The following COPS2 variants were observed in gnomAD, a reference collection of about 807,000 sequenced individuals.
COPS2 encodes the protein COP9 signalosome complex subunit 2.
A neutral mutation model predicts 66.1 loss-of-function variants in COPS2; 10 were observed. The ratio of observed to expected loss-of-function variants is 0.15; its 90% CI spans 0.09 to 0.26. The LOEUF (loss-of-function observed/expected upper bound fraction) is 0.26, where lower values mean the gene tolerates loss of function less well. Ranked by LOEUF, COPS2 falls within the 10% of genes least tolerant of loss-of-function variation. The pLI, the probability that COPS2 is intolerant of heterozygous loss-of-function variation, is 1.00. For missense variants in COPS2, 215 were observed against 513.3 expected (o/e 0.42, Z 5.62); for synonymous variants, 179 against 171.3 (o/e 1.04, Z -0.35).
chr15:49,145,622 A>T (rs2084315508), intron 1 of COPS2, among the ~76,000 whole-genome samples: 1 of 152,150 alleles, frequency 6.6e-6, no homozygotes, highest in East Asian at 1.9e-4. Context: ...TGCACTATAC[A>T]ACAGCTGTTT....
chr15:49,140,469 C>T (rs2084283157), intron 3 of COPS2, among the ~76,000 whole-genome samples: 1 of 151,998 alleles, frequency 6.6e-6, no homozygotes, highest in African/African-American at 2.4e-5. Context: ...TTTTTCAAGC[C>T]TCAATACTCG....
chr15:49,145,437 T>C (rs1383608713), intron 1 of COPS2, among the ~76,000 whole-genome samples: 1 of 152,214 alleles, frequency 6.6e-6, no homozygotes, highest in African/African-American at 2.4e-5. Flanking sequence ...GAGGGAAACC[T>C]AACGTAGATG....
chr15:49,133,323 T>C (rs1170870301), intron 9 of COPS2, among the ~76,000 whole-genome samples: 1 of 152,216 alleles, frequency 6.6e-6, no homozygotes, highest in African/African-American at 2.4e-5. Flanking sequence ...TACTTTCATC[T>C]TGTCATTGAG....
intron 1 of COPS2, among the ~76,000 whole-genome samples, chr15:49,155,242 G>A (rs2084413967): frequency 6.6e-6 from 1 of 152,250 alleles, no homozygotes; most frequent in Non-Finnish European, 1.5e-5. Flanking sequence ...AGAACCGAAC[G>A]CCTGGGACCA....
chr15:49,142,598 A>C (rs1201858523), intron 3 of COPS2, among the ~76,000 whole-genome samples: 2 of 152,150 alleles, frequency 1.3e-5, no homozygotes. Context: ...CAACTGCTTC[A>C]CTCCCTGCTC....
chr15:49,151,097 T>C (rs946579095), intron 1 of COPS2, among the ~76,000 whole-genome samples: 1 of 152,118 alleles, frequency 6.6e-6, no homozygotes. Flanking sequence ...GTAATACATT[T>C]AAATAATTAT....
chr15:49,150,841 T>A (rs1008874904), intron 1 of COPS2, among the ~76,000 whole-genome samples: 2 of 152,128 alleles, frequency 1.3e-5, no homozygotes, highest in Non-Finnish European at 2.9e-5. Flanking sequence ...ATAATCTGTA[T>A]AATAAACCCT....
At chr15:49,150,004 A>G (rs2084347311) in intron 1 of COPS2, among the ~76,000 whole-genome samples, 2 of 152,128 alleles carry the variant, frequency 1.3e-5, no homozygotes, top group Admixed American at 1.3e-4. Flanking sequence ...ACAAAACAAA[A>G]AAACTGTCTG....
intron 3 of COPS2, 97 bp downstream of exon 3, chr15:49,144,130 G>C: frequency 1.3e-6 from 1 of 798,618 alleles, no homozygotes; most frequent in Non-Finnish European, 2.1e-6. Context: ...CACATCCAAA[G>C]AAGTACTTTA....
At chr15:49,142,903 T>C (rs150768191) in intron 3 of COPS2, among the ~76,000 whole-genome samples, 40 of 151,062 alleles carry the variant, frequency 2.6e-4, no homozygotes, top group African/African-American at 8.5e-4. Flanking sequence ...CCTGCTCTCA[T>C]GGAGCTTACA....
intron 2 of COPS2, 122 bp from the exon 3 acceptor site, chr15:49,144,426 T>C (rs2084308219): frequency 3.4e-6 from 2 of 588,746 alleles, no homozygotes; most frequent in Non-Finnish European, 5.9e-6. Context: ...TCCCCAAGGA[T>C]ACCACCATTT....
At position 49,155,570 on chromosome 15, in the gene COPS2, G is replaced by A. The variant is rs1026592890; in HGVS notation, c.9C>T (p.Asp3=). The change falls in exon 1 of 13, where the codon GAC becomes GAT. Residue 3 remains aspartate, a synonymous_variant. Transcript: ENST00000388901. Reference sequence around the variant, plus strand: ...CATCGCACATGAAATCATCCTCCATGTCAGACATCTTGGCCGGGAGGGGGA... The same window carrying A: ...CATCGCACATGAAATCATCCTCCATATCAGACATCTTGGCCGGGAGGGGGA... MS[D]MEDDFMCDDE... is the part of the protein sequence containing the mutation. The A allele has an allele frequency of 6.2e-7, 1 of 1,614,140 alleles. No individual in the cohort carries two copies. The highest frequency in any genetic ancestry group is 8.5e-7 in the Non-Finnish European group (1 of 1,180,008).
At position 49,148,223 on chromosome 15, in the gene COPS2, A is replaced by G. The variant is rs148560196; in HGVS notation, c.55-3145T>C. 2.8e-3 allele frequency among the ~76,000 whole-genome samples: 432 copies of G among 152,316 alleles called. 2 individuals are homozygous for G. The highest frequency in any genetic ancestry group is 6.8e-3 in the Middle Eastern group (2 of 294). ...GCCAGCAATTAATTATTGCTCACAG[A>G]AATCCAAATTAACAACCCTTCCCCT... On this transcript the variant is annotated intron_variant, in intron 1 of 12. Transcript: ENST00000388901.
chr15:49,139,471 C>T, intron 4 of COPS2, 57 bp downstream of exon 4: 1 of 1,405,406 alleles, frequency 7.1e-7, no homozygotes, highest in East Asian at 2.3e-5. Context: ...AGAACAAAGC[C>T]CTTACTATAA....
At position 49,126,275 on chromosome 15, in the gene COPS2, A is replaced by G. The variant is rs557231120; in HGVS notation, c.*1675T>C. The G allele has an allele frequency of 2.0e-5, 3 of 152,594 alleles. No individual in the cohort carries two copies. In the South Asian group the frequency reaches 6.2e-4, roughly 32 times the overall value. The allele number at this position is 152,594 out of a possible 1,614,324, so 9.5% of individuals were successfully genotyped here. On this transcript the variant is annotated 3_prime_UTR_variant, in exon 13 of 13. Transcript: ENST00000388901. ...TTTCCAACTTGTACCTGTGTTTAAT[A>G]CTGCTTTAGTCTGCTAAAGACATTA... is the stretch of plus-strand genomic sequence containing the variant.
At chr15:49,128,421 C>T (rs1020880796) in intron 12 of COPS2, among the ~76,000 whole-genome samples, 6 of 152,074 alleles carry the variant, frequency 3.9e-5, no homozygotes, top group African/African-American at 1.2e-4. Flanking sequence ...TACCACATAC[C>T]CTATACTTAA....
Position 49,127,734 on chromosome 15 carries a change from CATGGT to C in COPS2, c.*211_*215del. The C allele has an allele frequency of 2.0e-6, 1 of 489,388 alleles. No individual in the cohort carries two copies. The highest frequency in any genetic ancestry group is 3.6e-5 in the South Asian group (1 of 27,640). 30.3% of individuals were successfully genotyped at this position (489,388 alleles called of 1,614,324 possible). ...CAAGATGTCAATACAGCATAAATCC[CATGGT>C]ATTTTGGTTTTCTTCTGGAGATTAA... On this transcript the variant is annotated 3_prime_UTR_variant, in exon 13 of 13. Transcript: ENST00000388901.
chr15:49,124,083 CTG>C lies in COPS2; in HGVS notation c.*3865_*3866del, dbSNP rs915345697. 3.3e-5 allele frequency: 5 copies of C among 152,150 alleles called. No individual in the cohort carries two copies. Among genetic ancestry groups the C allele is most frequent in the African/African-American group, 4.8e-5 (2 of 41,438 alleles). 9.4% of individuals were successfully genotyped at this position (152,150 alleles called of 1,614,324 possible). On this transcript the variant is annotated 3_prime_UTR_variant, in exon 13 of 13. Transcript: ENST00000388901. Reference sequence around the variant, plus strand: ...ATTTCTGCCAAATTCCTGCTTAAAACTGTATCAGGCTGGGCGTGGTGGCTCAC... The same window carrying C: ...ATTTCTGCCAAATTCCTGCTTAAAACTATCAGGCTGGGCGTGGTGGCTCAC...
intron 3 of COPS2, among the ~76,000 whole-genome samples, chr15:49,141,908 AC>A (rs1386425874): frequency 3.3e-5 from 5 of 152,244 alleles, no homozygotes; most frequent in Admixed American, 2.0e-4. Context: ...TGGACTCGAA[AC>A]CACTGCTAGT....
Sources: gnomAD v4.1 joint callset for allele counts (sites outside exome capture counted in the v4.1 genomes callset) on GRCh38, gnomAD v4.1.1 for gene constraint, MANE v1.5 for transcripts, NCBI Gene and HGNC (gene_info 2026-07-23, HGNC 2026-07-21) for gene names.